The following AKAP6 variants were observed in gnomAD, a reference collection of about 807,000 sequenced individuals.
The protein encoded by AKAP6 is A-kinase anchoring protein 6.
A neutral mutation model predicts 188.5 loss-of-function variants in AKAP6; 58 were observed. The observed-to-expected ratio is 0.31, with a 90% CI of 0.25 to 0.38. The LOEUF (loss-of-function observed/expected upper bound fraction) is 0.38. Ranked by LOEUF, AKAP6 falls within the 10% of genes least tolerant of loss-of-function variation. The pLI is 1.00. For missense variants in AKAP6, 2,710 were observed against 2,740.0 expected (o/e 0.99, Z 0.24); for synonymous variants, 989 against 998.6 (o/e 0.99, Z 0.18).
At chr14:32,643,679 C>T (rs991466903) in intron 7 of AKAP6, among the ~76,000 whole-genome samples, 1 of 151,952 alleles carries the variant, frequency 6.6e-6, no homozygotes, top group African/African-American at 2.4e-5. Context: ...AGCATGTTTT[C>T]TTTGTTGTTG....
At chr14:32,368,888 AAC>A (rs1298778889) in intron 1 of AKAP6, among the ~76,000 whole-genome samples, 2,054 of 151,588 alleles carry the variant, frequency 0.014, 35 homozygotes, top group African/African-American at 0.042. Context: ...AGAAAAAAAA[AAC>A]AAAAACATGC....
chr14:32,385,726 G>A (rs968775721), intron 1 of AKAP6, among the ~76,000 whole-genome samples: 3 of 151,136 alleles, frequency 2.0e-5, no homozygotes, highest in East Asian at 1.9e-4. Context: ...AGGTTGCTAC[G>A]AATGCCATTA....
Position 32,557,043 on chromosome 14 carries a change from GA to G in AKAP6, c.2346+10054del, listed in dbSNP as rs765631984. 4.7e-3 allele frequency among the ~76,000 whole-genome samples: 694 copies of G among 148,282 alleles called. 6 individuals are homozygous for G. The highest frequency in any genetic ancestry group is 0.013 in the African/African-American group (507 of 40,408). ...AAGTCATCTTCTGGAATTTGTCTTGGAAAAAAAAAATACTTTTGAGAGCCCT... is the reference window on the plus strand; with the variant it reads ...AAGTCATCTTCTGGAATTTGTCTTGGAAAAAAAAATACTTTTGAGAGCCCT... On this transcript the variant is annotated intron_variant, in intron 4 of 13. Transcript: ENST00000280979.
At chr14:32,578,011 T>C (rs534738383) in intron 5 of AKAP6, among the ~76,000 whole-genome samples, 1 of 152,274 alleles carries the variant, frequency 6.6e-6, no homozygotes, top group East Asian at 1.9e-4. Context: ...ATCTCATCTT[T>C]ATTCCTTTCA....
At position 32,823,602 on chromosome 14, in the gene AKAP6, G is replaced by A. The variant is rs1326651857; in HGVS notation, c.5789G>A (p.Ser1930Asn). 2 of 1,613,900 alleles carry A rather than the reference G, an allele frequency of 1.2e-6. No individual in the cohort carries two copies. Among genetic ancestry groups the A allele is most frequent in the South Asian group, 1.1e-5 (1 of 91,082 alleles). The change falls in exon 13 of 14, where the codon AGT becomes AAT. Residue 1930 changes from serine to asparagine, a missense_variant. By Grantham distance (46) the Ser-to-Asn change is conservative (BLOSUM62 1). Coordinates refer to ENST00000280979, the MANE Select transcript of AKAP6 (RefSeq NM_004274.5). ...TCACATGGGAAAGAGATTTCAGAGAGTGAGCATTGTAAGTGTAAAGCACTT... is the reference window on the plus strand; with the variant it reads ...TCACATGGGAAAGAGATTTCAGAGAATGAGCATTGTAAGTGTAAAGCACTT... The part of the protein sequence containing the change: ...LGSHGKEISE[S>N]EHCKCKALMD...
chr14:32,732,823 G>C (rs2031244277), intron 10 of AKAP6: 8 of 618,750 alleles, frequency 1.3e-5, no homozygotes, highest in Admixed American at 3.0e-5. Flanking sequence ...TAATAATTTT[G>C]GTTCTTTAAT....
chr14:32,492,225 T>C (rs905769495), intron 2 of AKAP6, among the ~76,000 whole-genome samples: 1 of 151,744 alleles, frequency 6.6e-6, no homozygotes, highest in African/African-American at 2.4e-5. Context: ...CAGCTTTGCC[T>C]CACCTCCTCT....
intron 2 of AKAP6, among the ~76,000 whole-genome samples, chr14:32,449,645 G>T (rs1890872952): frequency 6.6e-6 from 1 of 152,164 alleles, no homozygotes; most frequent in South Asian, 2.1e-4. Flanking sequence ...AAGAGGCCCT[G>T]CCAATCAACT....
At chr14:32,773,582 C>G in intron 11 of AKAP6, 96 bp from the exon 12 acceptor site, 1 of 1,154,872 alleles carries the variant, frequency 8.7e-7, no homozygotes, top group East Asian at 2.3e-5. Context: ...CTGAGTGTAT[C>G]ACTACAATTT....
intron 12 of AKAP6, among the ~76,000 whole-genome samples, chr14:32,818,378 T>A (rs565257229): frequency 6.6e-6 from 1 of 152,294 alleles, no homozygotes; most frequent in Middle Eastern, 3.4e-3. Flanking sequence ...CCCAAGTCTC[T>A]GATATAAAAT....
intron 5 of AKAP6, among the ~76,000 whole-genome samples, chr14:32,596,275 C>G (rs879672528): frequency 1.3e-5 from 2 of 152,144 alleles, no homozygotes; most frequent in Non-Finnish European, 2.9e-5. Flanking sequence ...CTGGGCTATT[C>G]AGAAATATGA....
chr14:32,437,831 C>T (rs1387302766), intron 2 of AKAP6, among the ~76,000 whole-genome samples: 1 of 152,170 alleles, frequency 6.6e-6, no homozygotes, highest in East Asian at 1.9e-4. Context: ...AACTCTTGGG[C>T]TCAAGCGATC....
intron 11 of AKAP6, among the ~76,000 whole-genome samples, chr14:32,759,013 T>C (rs2032446000): frequency 6.6e-6 from 1 of 152,130 alleles, no homozygotes; most frequent in African/African-American, 2.4e-5. Context: ...TACAAGGAGC[T>C]TAAAGAGCTT....
At chr14:32,828,521 TCTCTCTCTCACACA>T (rs1272694898) in intron 13 of AKAP6, among the ~76,000 whole-genome samples, 1 of 32,624 alleles carries the variant, frequency 3.1e-5, no homozygotes, top group African/African-American at 6.7e-5. Context: ...TCTCTCTCTC[TCTCTCTCTCACACA>T]CACACACACA....
intron 8 of AKAP6, among the ~76,000 whole-genome samples, chr14:32,685,520 C>G (rs189664318): frequency 3.3e-5 from 5 of 151,848 alleles, no homozygotes; most frequent in African/African-American, 9.7e-5. Context: ...GTCAGGAGAT[C>G]GAGACCATCC....
intron 12 of AKAP6, among the ~76,000 whole-genome samples, chr14:32,780,559 A>G (rs144010661): frequency 6.6e-6 from 1 of 152,326 alleles, no homozygotes; most frequent in African/African-American, 2.4e-5. Flanking sequence ...CAGTCATGTC[A>G]TCCAGCAGCA....
chr14:32,482,801 A>G (rs2138906913), intron 2 of AKAP6, among the ~76,000 whole-genome samples: 1 of 152,312 alleles, frequency 6.6e-6, no homozygotes, highest in Middle Eastern at 3.4e-3. Context: ...AAACAACTGC[A>G]TAGTTTTCTA....
At chr14:32,574,948 CT>C (rs1420531742) in intron 4 of AKAP6, among the ~76,000 whole-genome samples, 1 of 152,082 alleles carries the variant, frequency 6.6e-6, no homozygotes, top group Non-Finnish European at 1.5e-5. Context: ...AGACTCTGCC[CT>C]TATTTCTGCT....
At chr14:32,372,838 GGAGA>G (rs1888052315) in intron 1 of AKAP6, among the ~76,000 whole-genome samples, 1 of 151,272 alleles carries the variant, frequency 6.6e-6, no homozygotes, top group African/African-American at 2.4e-5. Flanking sequence ...GAGAGAGAGA[GGAGA>G]GAGAAAAAGA....
Sources: allele counts gnomAD v4.1 joint callset (sites outside exome capture counted in the v4.1 genomes callset), GRCh38; gene constraint gnomAD v4.1.1; transcripts MANE v1.5; gene names NCBI Gene and HGNC (gene_info 2026-07-23, HGNC 2026-07-21).